PAX5: variants seen among roughly 807,000 people sequenced by gnomAD.
PAX5 encodes paired box 5.
A neutral mutation model predicts 43.7 loss-of-function variants in PAX5; 9 were observed. The observed-to-expected ratio is 0.21, with a 90% CI of 0.12 to 0.36. The LOEUF (loss-of-function observed/expected upper bound fraction) is 0.36, where lower values mean the gene tolerates loss of function less well. PAX5 is among the 10% of genes least tolerant of loss of function. The pLI is 1.00. For synonymous variants in PAX5, 228 were observed against 214.3 expected (o/e 1.06, Z -0.56); for missense variants, 383 against 532.7 (o/e 0.72, Z 2.77).
intron 7 of PAX5, among the ~76,000 whole-genome samples, chr9:36,898,791 C>T (rs905972544): frequency 2.6e-5 from 4 of 152,116 alleles, no homozygotes; most frequent in African/African-American, 7.2e-5. Flanking sequence ...GCTCTGGGGG[C>T]GGCCCTGGGC....
At chr9:36,933,909 A>AT (rs113117997) in intron 6 of PAX5, among the ~76,000 whole-genome samples, 30,892 of 151,932 alleles carry the variant, frequency 0.2, 3,499 homozygotes, top group Non-Finnish European at 0.24. Flanking sequence ...GATGGACCAA[A>AT]TCCATTGGGG....
intron 5 of PAX5, among the ~76,000 whole-genome samples, chr9:36,987,408 C>A (rs1395462598): frequency 2.2e-4 from 33 of 152,244 alleles, no homozygotes; most frequent in Non-Finnish European, 1.2e-4. Context: ...TACAATGATA[C>A]TCTCATAGGC....
intron 6 of PAX5, among the ~76,000 whole-genome samples, chr9:36,957,682 G>A (rs770199515): frequency 2.6e-5 from 4 of 152,120 alleles, no homozygotes; most frequent in Non-Finnish European, 5.9e-5. Flanking sequence ...AGTGTGTTAC[G>A]CAAATATTAA....
intron 6 of PAX5, among the ~76,000 whole-genome samples, chr9:36,941,267 C>T (rs1160460104): frequency 1.3e-5 from 2 of 152,228 alleles, no homozygotes; most frequent in African/African-American, 4.8e-5. Context: ...TTTTCCCTTA[C>T]AGAGTTGTTC....
chr9:36,962,549 G>A (rs901505993), intron 6 of PAX5, among the ~76,000 whole-genome samples: 2 of 152,132 alleles, frequency 1.3e-5, no homozygotes, highest in Admixed American at 1.3e-4. Context: ...GTGGTGTGTA[G>A]GTGAGGAGGA....
intron 8 of PAX5, among the ~76,000 whole-genome samples, chr9:36,879,946 G>A (rs572607687): frequency 6.6e-6 from 1 of 152,234 alleles, no homozygotes; most frequent in Admixed American, 6.5e-5. Context: ...AAGTTTTGCA[G>A]GCAGGAACCT....
rs188357408 is a variant in PAX5, at chr9:36,987,050, C to A, written c.604+15598G>T. ...GGCACAGTCTAATCTTCCCCCACAGCCCTCCGAAGCAGATACTGTTACTGT... is the reference window on the plus strand; with the variant it reads ...GGCACAGTCTAATCTTCCCCCACAGACCTCCGAAGCAGATACTGTTACTGT... On this transcript the variant is annotated intron_variant, in intron 5 of 9. Transcript: ENST00000358127. 1.4e-4 allele frequency among the ~76,000 whole-genome samples: 22 copies of A among 152,314 alleles called. No homozygotes were observed. The South Asian group carries it at 2.3e-3, about 16-fold the overall frequency.
At chr9:36,997,411 T>C (rs1187592505) in intron 5 of PAX5, among the ~76,000 whole-genome samples, 1 of 152,164 alleles carries the variant, frequency 6.6e-6, no homozygotes, top group Non-Finnish European at 1.5e-5. Context: ...CTGTGAGTTA[T>C]TGTGAGGGGG....
chr9:36,896,289 G>A (rs1827854554), intron 7 of PAX5, among the ~76,000 whole-genome samples: 1 of 152,074 alleles, frequency 6.6e-6, no homozygotes, highest in African/African-American at 2.4e-5. Flanking sequence ...CAACGGGATA[G>A]TCGATGTCAC....
rs370685823 is a variant in PAX5, at chr9:36,964,028, C to G, written c.780+2521G>C. Among the ~76,000 whole-genome samples the G allele has an allele frequency of 7.9e-5, 12 of 152,312 alleles. No homozygotes were observed. The East Asian group carries it at 2.1e-3, about 27-fold the overall frequency. ...GGGTGCAGTGGCTCATGCCTGTAAT[C>G]CCAGCACTTTGGGAGGCCGAGGCAG... On this transcript the variant is annotated intron_variant, in intron 6 of 9. Coordinates refer to ENST00000358127, the MANE Select transcript of PAX5 (RefSeq NM_016734.3).
At chr9:36,975,528 GGC>G (rs1463579269) in intron 5 of PAX5, among the ~76,000 whole-genome samples, 1 of 151,972 alleles carries the variant, frequency 6.6e-6, no homozygotes, top group Non-Finnish European at 1.5e-5. Flanking sequence ...TGGGACTACA[GGC>G]GCCCGCCACT....
At chr9:36,981,873 A>C (rs1359721451) in intron 5 of PAX5, among the ~76,000 whole-genome samples, 1 of 152,268 alleles carries the variant, frequency 6.6e-6, no homozygotes, top group Non-Finnish European at 1.5e-5. Context: ...AAGCTGCTGG[A>C]TTCCAAGTGA....
At chr9:36,921,937 C>T (rs1364796111) in intron 7 of PAX5, among the ~76,000 whole-genome samples, 3 of 152,140 alleles carry the variant, frequency 2.0e-5, no homozygotes, top group Non-Finnish European at 4.4e-5. Flanking sequence ...CCTCGGACAC[C>T]TGTGGGGTCA....
chr9:37,032,324 T>C (rs938894098), intron 1 of PAX5, among the ~76,000 whole-genome samples: 1 of 152,098 alleles, frequency 6.6e-6, no homozygotes, highest in Non-Finnish European at 1.5e-5. Context: ...GCGCAGACCC[T>C]CTCCATGACA....
rs1821579744 is a variant in PAX5, at chr9:36,835,504, G to A, written c.*5056C>T. 4.3e-6 allele frequency: 1 copy of A among 233,004 alleles called. No homozygotes were observed. Among genetic ancestry groups the A allele is most frequent in the Admixed American group, 5.6e-5 (1 of 17,772 alleles). The allele number at this position is 233,004 out of a possible 1,614,324, so 14.4% of individuals were successfully genotyped here. A position where few individuals can be genotyped will look rare whatever the true frequency, so the allele number is the denominator to read the frequency against. ...CAGTGGGGAAGTACACATCAGCACT[G>A]TGGTTCCCCCATGAATATGCAAGAG... is the stretch of plus-strand genomic sequence containing the variant. On this transcript the variant is annotated 3_prime_UTR_variant, in exon 10 of 10. Coordinates refer to ENST00000358127, the MANE Select transcript of PAX5 (RefSeq NM_016734.3).
At chr9:36,950,754 T>C (rs892557664) in intron 6 of PAX5, among the ~76,000 whole-genome samples, 2 of 149,992 alleles carry the variant, frequency 1.3e-5, no homozygotes, top group Non-Finnish European at 3.0e-5. Flanking sequence ...TTTTTTTTTT[T>C]TTTTGAGATG....
At chr9:36,876,185 C>T (rs916801819) in intron 8 of PAX5, among the ~76,000 whole-genome samples, 10 of 152,222 alleles carry the variant, frequency 6.6e-5, no homozygotes, top group Non-Finnish European at 1.0e-4. Flanking sequence ...TGTGCCTTCC[C>T]GGCCCACAAG....
At chr9:37,033,901 C>A (rs983293967) in intron 1 of PAX5, 85 bp downstream of exon 1, 1 of 1,255,362 alleles carries the variant, frequency 8.0e-7, no homozygotes, top group Admixed American at 1.9e-5. Flanking sequence ...CGCGCCCCCT[C>A]CTCCTCCAGG....
At chr9:36,965,795 G>C (rs1834378052) in intron 6 of PAX5, among the ~76,000 whole-genome samples, 1 of 152,178 alleles carries the variant, frequency 6.6e-6, no homozygotes, top group Non-Finnish European at 1.5e-5. Flanking sequence ...AAGGTTACCT[G>C]TCAAGGCCCT....
Sources: allele counts gnomAD v4.1 joint callset (sites outside exome capture counted in the v4.1 genomes callset), GRCh38; gene constraint gnomAD v4.1.1; transcripts MANE v1.5; gene names NCBI Gene and HGNC (gene_info 2026-07-23, HGNC 2026-07-21).